Variants in AGAP1 observed in about 807,000 individuals in gnomAD.
AGAP1 encodes the protein arf-GAP with GTPase, ANK repeat and PH domain-containing protein 1.
AGAP1 carries 29 observed loss-of-function variants against 105.3 expected under a neutral mutation model. That is an observed-to-expected ratio of 0.28 (90% confidence interval 0.21 to 0.38). The LOEUF is 0.38. Ranked by LOEUF, AGAP1 falls within the 10% of genes least tolerant of loss-of-function variation. The pLI, the probability that AGAP1 is intolerant of heterozygous loss-of-function variation, is 1.00. For missense variants in AGAP1, 998 were observed against 1,165.1 expected, an observed-to-expected ratio of 0.86 and a Z score of 2.09; for synonymous variants, 509 against 485.9, an observed-to-expected ratio of 1.05 and a Z score of -0.63.
intron 1 of AGAP1, among the ~76,000 whole-genome samples, chr2:235,672,791 C>T (rs1948506790): frequency 6.6e-6 from 1 of 152,214 alleles, no homozygotes; most frequent in Non-Finnish European, 1.5e-5. Flanking sequence ...TGTGGTCCCT[C>T]TTGATACAAG....
intron 1 of AGAP1, among the ~76,000 whole-genome samples, chr2:235,547,345 G>A (rs1328374524): frequency 6.7e-6 from 1 of 149,118 alleles, no homozygotes; most frequent in East Asian, 2.0e-4. Flanking sequence ...GTAATATGCT[G>A]CTTACATTGA....
rs978441732 is a variant in AGAP1 at position 235,979,841 on chromosome 2, T to G, written c.1645+11218T>G. Among the ~76,000 whole-genome samples, 1 of 152,174 alleles carries G rather than the reference T, an allele frequency of 6.6e-6. No individual in the cohort carries two copies. Among genetic ancestry groups the G allele is most frequent in the African/African-American group, 2.4e-5 (1 of 41,436 alleles). On this transcript the variant is annotated intron_variant, in intron 13 of 17. Coordinates refer to ENST00000304032, the MANE Select transcript of AGAP1 (RefSeq NM_001037131.3). This position sits in a 1 kb window ranked among gnomAD's most constrained non-coding sequence, Gnocchi z 4.5. ...AGTGGAAAAAAGCAAAGGAAAAATG[T>G]TTTAGTTTTCTCTTAAGCTGATTTC... is the stretch of plus-strand genomic sequence containing the variant.
At chr2:235,670,866 C>G in intron 1 of AGAP1, 1 of 1,378,146 alleles carries the variant, frequency 7.3e-7, no homozygotes, top group Non-Finnish European at 9.3e-7. Context: ...GCGGCCGGGG[C>G]CGGCGCGGCC....
rs1182368093 is a variant in AGAP1 at position 235,741,764 on chromosome 2, T to TA, written c.396+716_396+717insA. Reference sequence around the variant, plus strand: ...TGTTATTTTTTATTATTTATTTATTTTTTTTTTTTGAGACAGTCTCGCTCT... The same window carrying TA: ...TGTTATTTTTTATTATTTATTTATTTATTTTTTTTTGAGACAGTCTCGCTCT... On this transcript the variant is annotated intron_variant, in intron 4 of 17. Transcript: ENST00000304032. This position sits in a 1 kb window ranked among gnomAD's most constrained non-coding sequence, Gnocchi z 4.9. 2.0e-5 allele frequency among the ~76,000 whole-genome samples: 3 copies of TA among 148,376 alleles called. No homozygotes were observed. Among genetic ancestry groups the TA allele is most frequent in the African/African-American group, 7.7e-5 (3 of 38,812 alleles).
intron 1 of AGAP1, among the ~76,000 whole-genome samples, chr2:235,502,687 G>C (rs1941613258): frequency 7.3e-6 from 1 of 137,098 alleles, no homozygotes; most frequent in Non-Finnish European, 1.5e-5. Flanking sequence ...ATGGTTAGAA[G>C]CTTTTTATTT....
chr2:235,649,395 A>T (rs1241505867), intron 1 of AGAP1, among the ~76,000 whole-genome samples: 1 of 152,188 alleles, frequency 6.6e-6, no homozygotes, highest in African/African-American at 2.4e-5. Flanking sequence ...TTATTTAAAG[A>T]CAGATTCTCA....
intron 12 of AGAP1, among the ~76,000 whole-genome samples, chr2:235,950,887 CTTTTTTTT>C (rs200110792): frequency 8.5e-5 from 10 of 118,254 alleles, no homozygotes; most frequent in Non-Finnish European, 1.4e-4. Flanking sequence ...TCTCCAAGCA[CTTTTTTTT>C]TTTTTTTTTT....
Position 236,130,419 on chromosome 2 carries a change from C to T in AGAP1, c.*6297C>T, listed in dbSNP as rs2060067355. 1 of 152,106 alleles carries T rather than the reference C, an allele frequency of 6.6e-6. No individual in the cohort carries two copies. The highest frequency in any genetic ancestry group is 2.4e-5 in the African/African-American group (1 of 41,400). 9.4% of individuals were successfully genotyped at this position (152,106 alleles called of 1,614,324 possible). Reference sequence around the variant, plus strand: ...GGTGAAAGAAAGGAACCAAACAAGGCATGAGTGTGTTGGGGAATCTTCCCA... The same window carrying T: ...GGTGAAAGAAAGGAACCAAACAAGGTATGAGTGTGTTGGGGAATCTTCCCA... On this transcript the variant is annotated 3_prime_UTR_variant, in exon 18 of 18. Coordinates refer to ENST00000304032, the MANE Select transcript of AGAP1 (RefSeq NM_001037131.3). This position sits in a 1 kb window ranked among gnomAD's most constrained non-coding sequence, Gnocchi z 5.8.
chr2:235,743,797 C>G (rs371986305), intron 4 of AGAP1, among the ~76,000 whole-genome samples: 1 of 152,178 alleles, frequency 6.6e-6, no homozygotes, highest in African/African-American at 2.4e-5. Context: ...TTTTGTTTTT[C>G]AAATTTGCAC....
chr2:235,936,421 T>C lies in AGAP1; in HGVS notation c.1483+5498T>C, dbSNP rs1179110871. ...TCCTCAATGGAAAGCATTTGAGTTT[T>C]TGCCAGCTTTTAAATGTCTTTTCTC... On this transcript the variant is annotated intron_variant, in intron 12 of 17. Coordinates refer to ENST00000304032, the MANE Select transcript of AGAP1 (RefSeq NM_001037131.3). The surrounding 1 kb of genome is among the most constrained non-coding windows in gnomAD (Gnocchi z 4.7). Among the ~76,000 whole-genome samples the C allele has an allele frequency of 6.6e-6, 1 of 152,246 alleles. No homozygotes were observed. The highest frequency in any genetic ancestry group is 2.4e-5 in the African/African-American group (1 of 41,452).
In AGAP1 at chr2:235,989,498, G is replaced by A. The variant is rs1384945235; in HGVS notation, c.1645+20875G>A. Among the ~76,000 whole-genome samples the A allele has an allele frequency of 6.6e-6, 1 of 152,158 alleles. No individual in the cohort carries two copies. The highest frequency in any genetic ancestry group is 1.9e-4 in the East Asian group (1 of 5,164). On this transcript the variant is annotated intron_variant, in intron 13 of 17. Coordinates refer to ENST00000304032, the MANE Select transcript of AGAP1 (RefSeq NM_001037131.3). The surrounding 1 kb of genome is among the most constrained non-coding windows in gnomAD (Gnocchi z 4.4). ...GATGAGCTGGGCTGGAGGAGGGTTTGCCCTAGGGAGGCAGCCCCAGGCAGG... is the reference window on the plus strand; with the variant it reads ...GATGAGCTGGGCTGGAGGAGGGTTTACCCTAGGGAGGCAGCCCCAGGCAGG...
chr2:236,003,558 C>A lies in AGAP1; in HGVS notation c.1646-33003C>A, dbSNP rs1464888067. ...CCCAGAGTCACCCGCAGCCCCCCTG[C>A]GCTGCTGCTGCCCGCATGGGGTACC... On this transcript the variant is annotated intron_variant, in intron 13 of 17. Transcript: ENST00000304032. This position sits in a 1 kb window ranked among gnomAD's most constrained non-coding sequence, Gnocchi z 4.2. Among the ~76,000 whole-genome samples the A allele has an allele frequency of 6.6e-6, 1 of 152,212 alleles. No homozygotes were observed. Among genetic ancestry groups the A allele is most frequent in the Non-Finnish European group, 1.5e-5 (1 of 68,042 alleles).
intron 6 of AGAP1, among the ~76,000 whole-genome samples, chr2:235,771,244 T>G (rs1271845231): frequency 6.6e-6 from 1 of 152,210 alleles, no homozygotes; most frequent in Non-Finnish European, 1.5e-5. Flanking sequence ...TTAGAGCAGC[T>G]GCAGGAAGCT....
At chr2:235,649,136 G>C (rs536969342) in intron 1 of AGAP1, among the ~76,000 whole-genome samples, 120 of 152,282 alleles carry the variant, frequency 7.9e-4, no homozygotes, top group African/African-American at 2.2e-3. Context: ...TGCTCTCTGG[G>C]ACGGGCAGTG....
intron 12 of AGAP1, among the ~76,000 whole-genome samples, chr2:235,945,045 C>T (rs981350979): frequency 1.3e-5 from 2 of 152,156 alleles, no homozygotes; most frequent in Non-Finnish European, 2.9e-5. Context: ...AATTATTTGT[C>T]CTTTTAAAGA....
At chr2:236,023,254 A>G (rs1239803324) in intron 13 of AGAP1, among the ~76,000 whole-genome samples, 3 of 152,166 alleles carry the variant, frequency 2.0e-5, no homozygotes, top group South Asian at 4.1e-4. Flanking sequence ...GTCTGTTTTT[A>G]AAAGAAAAGG....
intron 1 of AGAP1, among the ~76,000 whole-genome samples, chr2:235,686,182 G>C (rs2149417609): frequency 6.6e-6 from 1 of 152,216 alleles, no homozygotes; most frequent in East Asian, 1.9e-4. Flanking sequence ...CAGTAAAGCT[G>C]AAGTCCCCCC....
chr2:235,781,856 T>C (rs1956283137), intron 6 of AGAP1, among the ~76,000 whole-genome samples: 1 of 152,210 alleles, frequency 6.6e-6, no homozygotes, highest in African/African-American at 2.4e-5. Flanking sequence ...CCTGATTCTC[T>C]AATGGATGCC....
chr2:235,602,438 C>G (rs955714918), intron 1 of AGAP1, among the ~76,000 whole-genome samples: 1 of 152,164 alleles, frequency 6.6e-6, no homozygotes, highest in African/African-American at 2.4e-5. Context: ...TCCTCACTAC[C>G]TCTTTGCCCG....
Sources: allele counts gnomAD v4.1 joint callset (sites outside exome capture counted in the v4.1 genomes callset), GRCh38; gene constraint gnomAD v4.1.1; non-coding constraint Gnocchi (gnomAD v3.1); transcripts MANE v1.5; gene names NCBI Gene and HGNC (gene_info 2026-07-23, HGNC 2026-07-21).